Variants in ARMH4 observed in about 807,000 individuals in gnomAD.
ARMH4 encodes the protein armadillo-like helical domain-containing protein 4.
A neutral mutation model predicts 61.9 loss-of-function variants in ARMH4; 49 were observed. The observed-to-expected ratio is 0.79, with a 90% CI of 0.63 to 1.00. The LOEUF is 1.00. Ranked by LOEUF, ARMH4 falls within the 50% of genes least tolerant of loss-of-function variation. The pLI is 0.00. For synonymous variants in ARMH4, 368 were observed against 341.5 expected, an observed-to-expected ratio of 1.08 and a Z score of -0.85; for missense variants, 934 against 930.0, an observed-to-expected ratio of 1.00 and a Z score of -0.06.
chr14:58,019,077 C>T (rs1281337200), intron 5 of ARMH4, among the ~76,000 whole-genome samples: 1 of 152,100 alleles, frequency 6.6e-6, no homozygotes, highest in Non-Finnish European at 1.5e-5. Flanking sequence ...AAGTATAAAT[C>T]ACAGAAGCAG....
intron 5 of ARMH4, among the ~76,000 whole-genome samples, chr14:58,022,580 C>T (rs1280715311): frequency 6.6e-6 from 1 of 152,174 alleles, no homozygotes; most frequent in Non-Finnish European, 1.5e-5. Flanking sequence ...AGCATCTCCT[C>T]TATTGATTGG....
intron 5 of ARMH4, among the ~76,000 whole-genome samples, chr14:58,090,464 A>ATGT (rs1885518969): frequency 6.6e-6 from 1 of 152,132 alleles, no homozygotes; most frequent in African/African-American, 2.4e-5. Flanking sequence ...TCCACCCATC[A>ATGT]TGTGATCACA....
intron 5 of ARMH4, among the ~76,000 whole-genome samples, chr14:58,041,489 T>C (rs868758333): frequency 2.0e-5 from 3 of 152,030 alleles, no homozygotes; most frequent in Non-Finnish European, 4.4e-5. Context: ...ACTGCAAAAA[T>C]ATGCCAAATT....
chr14:58,151,225 T>C (rs1887908380), intron 1 of ARMH4, among the ~76,000 whole-genome samples: 1 of 152,196 alleles, frequency 6.6e-6, no homozygotes, highest in African/African-American at 2.4e-5. Context: ...ATCTCATCTT[T>C]GAGAACCCAA....
chr14:58,010,549 A>T (rs1367739409), intron 6 of ARMH4, among the ~76,000 whole-genome samples: 1 of 152,130 alleles, frequency 6.6e-6, no homozygotes, highest in Non-Finnish European at 1.5e-5. Context: ...GCTGAAAAAA[A>T]TACTACGGAA....
At chr14:58,076,317 A>G (rs1290149782) in intron 5 of ARMH4, among the ~76,000 whole-genome samples, 1 of 152,218 alleles carries the variant, frequency 6.6e-6, no homozygotes, top group African/African-American at 2.4e-5. Flanking sequence ...TTTAGGTCTT[A>G]AAGTCATTAT....
intron 2 of ARMH4, 144 bp downstream of exon 2, chr14:58,137,846 G>A (rs772970847): frequency 6.5e-5 from 55 of 846,012 alleles, no homozygotes; most frequent in Middle Eastern, 3.6e-4. Context: ...CTCGGCCTCC[G>A]AAAATGCTGG....
intron 5 of ARMH4, among the ~76,000 whole-genome samples, chr14:58,070,929 G>T (rs1453196495): frequency 6.6e-6 from 1 of 151,702 alleles, no homozygotes; most frequent in Non-Finnish European, 1.5e-5. Flanking sequence ...CAATTATTTT[G>T]ATTTTTAGAT....
intron 5 of ARMH4, among the ~76,000 whole-genome samples, chr14:58,047,451 C>A (rs1350761817): frequency 2.6e-5 from 4 of 152,138 alleles, no homozygotes; most frequent in Non-Finnish European, 2.9e-5. Flanking sequence ...CTGTTCTAAG[C>A]CCTTTACATA....
intron 4 of ARMH4, among the ~76,000 whole-genome samples, chr14:58,111,481 T>C (rs963549771): frequency 1.3e-5 from 2 of 152,180 alleles, no homozygotes; most frequent in Non-Finnish European, 2.9e-5. Context: ...CATAACAAAA[T>C]TCCAGAAACT....
Position 58,005,152 on chromosome 14 carries a change from C to A in ARMH4, c.2152G>T (p.Val718Leu). 6.2e-7 allele frequency: 1 copy of A among 1,614,006 alleles called. No individual in the cohort carries two copies. Among genetic ancestry groups the A allele is most frequent in the African/African-American group, 1.3e-5 (1 of 75,024 alleles). Reference sequence around the variant, plus strand: ...AAGGCTCCAGCTATCCCAACCCCTACAGGCACCAGCATCCCAGACATGTAA... The same window carrying A: ...AAGGCTCCAGCTATCCCAACCCCTAAAGGCACCAGCATCCCAGACATGTAA... ...AGYMSGMLVP[V>L]GVGIAGALFI... Residue 718 changes from valine to leucine, a missense_variant, in exon 7 of 8, where the codon GTA becomes TTA. By Grantham distance (32) the Val-to-Leu change is conservative. Transcript: ENST00000267485.
chr14:58,122,549 AC>A (rs1338394052), intron 4 of ARMH4, among the ~76,000 whole-genome samples: 1 of 152,006 alleles, frequency 6.6e-6, no homozygotes, highest in Admixed American at 6.6e-5. Context: ...AAACTTAGAA[AC>A]CCTATTGAAC....
chr14:58,065,222 C>T (rs1324579113), intron 5 of ARMH4, among the ~76,000 whole-genome samples: 3 of 152,072 alleles, frequency 2.0e-5, no homozygotes, highest in African/African-American at 7.2e-5. Flanking sequence ...AGCCTGACAA[C>T]AGAGTGAGAC....
Position 58,138,709 on chromosome 14 carries a change from G to A in ARMH4, c.650C>T (p.Thr217Ile). Residue 217 changes from threonine to isoleucine, a missense_variant, in exon 2 of 8, where the codon ACC (threonine) becomes ATC (isoleucine). Transcript: ENST00000267485. ...SSYVNTKEML[T>I]TNPKTEKFEA... ...AAATTTCTCAGTCTTTGGATTGGTG[G>A]TTAGCATTTCCTTAGTATTCACATA... The A allele has an allele frequency of 6.2e-7, 1 of 1,614,122 alleles. No homozygotes were observed. Among genetic ancestry groups the A allele is most frequent in the Non-Finnish European group, 8.5e-7 (1 of 1,180,042 alleles).
chr14:58,137,200 G>A (rs903983508), intron 2 of ARMH4, among the ~76,000 whole-genome samples: 6 of 152,082 alleles, frequency 3.9e-5, no homozygotes, highest in African/African-American at 9.7e-5. Context: ...TGTTGGCTGG[G>A]ATAATTCTTT....
At chr14:58,081,504 CTT>C (rs775771053) in intron 5 of ARMH4, among the ~76,000 whole-genome samples, 7 of 141,838 alleles carry the variant, frequency 4.9e-5, no homozygotes, top group African/African-American at 7.7e-5. Context: ...AAGTTCATAT[CTT>C]TTTTTTTTTT....
chr14:58,059,207 A>G (rs978795329), intron 5 of ARMH4, among the ~76,000 whole-genome samples: 1 of 152,260 alleles, frequency 6.6e-6, no homozygotes, highest in Admixed American at 6.5e-5. Context: ...CTGCATTAGC[A>G]CAGGTCAGGC....
chr14:58,151,708 G>A (rs1473278999), intron 1 of ARMH4, among the ~76,000 whole-genome samples: 1 of 152,350 alleles, frequency 6.6e-6, no homozygotes, highest in East Asian at 1.9e-4. Context: ...GGGATTGCGA[G>A]CGGAGGGAGA....
intron 5 of ARMH4, among the ~76,000 whole-genome samples, chr14:58,038,466 T>C (rs1883561620): frequency 7.5e-6 from 1 of 133,846 alleles, no homozygotes; most frequent in Non-Finnish European, 1.6e-5. Context: ...GACACGTTAG[T>C]GGGTGCAGCG....
Sources: gnomAD v4.1 joint callset for allele counts (sites outside exome capture counted in the v4.1 genomes callset) on GRCh38, gnomAD v4.1.1 for gene constraint, MANE v1.5 for transcripts, NCBI Gene and HGNC (gene_info 2026-07-23, HGNC 2026-07-21) for gene names.